FAS: variants seen among roughly 807,000 people sequenced by gnomAD.
FAS encodes tumor necrosis factor receptor superfamily member 6.
In FAS, 5 loss-of-function variants were observed where a neutral mutation model predicts 33.2. The observed-to-expected ratio is 0.15, with a 90% confidence interval of 0.08 to 0.32. The LOEUF (loss-of-function observed/expected upper bound fraction) is 0.32. Ranked by LOEUF, FAS falls within the 10% of genes least tolerant of loss-of-function variation. The pLI, the probability that FAS is intolerant of heterozygous loss-of-function variation, is 1.00. For missense variants in FAS, 339 were observed against 386.0 expected (o/e 0.88, Z 1.02); for synonymous variants, 131 against 130.7 (o/e 1.00, Z -0.01).
At chr10:88,979,180 A>C (rs893938977) in intron 2 of FAS, among the ~76,000 whole-genome samples, 5 of 152,116 alleles carry the variant, frequency 3.3e-5, no homozygotes, top group African/African-American at 1.2e-4. Flanking sequence ...GCTGGTTTTA[A>C]TGGGTTATGA....
chr10:88,990,724 G>C (rs1344980586), upstream of FAS: 2 of 862,444 alleles, frequency 2.3e-6, no homozygotes, highest in Non-Finnish European at 3.8e-6. This position sits in a 1 kb window ranked among gnomAD's most constrained non-coding sequence, Gnocchi z 4.9. Flanking sequence ...CGAGTGACTT[G>C]GCTGGAGCCT....
At chr10:89,001,562 G>A (rs1847934385) in intron 1 of FAS, among the ~76,000 whole-genome samples, 1 of 151,380 alleles carries the variant, frequency 6.6e-6, no homozygotes, top group South Asian at 2.1e-4. Context: ...GAGAAAGTGT[G>A]GAGATCCTTT....
intron 2 of FAS, among the ~76,000 whole-genome samples, chr10:89,006,404 A>C (rs142252446): frequency 6.6e-4 from 100 of 152,340 alleles, no homozygotes; most frequent in African/African-American, 2.2e-3. Flanking sequence ...TTGCTCATGT[A>C]GTAAATATTT....
At chr10:88,999,406 C>T (rs1003600310) in intron 1 of FAS, among the ~76,000 whole-genome samples, 1 of 152,158 alleles carries the variant, frequency 6.6e-6, no homozygotes, top group Admixed American at 6.5e-5. Context: ...AATCTATTAA[C>T]ATGCATTTCT....
Position 88,978,402 on chromosome 10 carries a change from A to AAAAT in FAS, n.260+5075_260+5078dup, listed in dbSNP as rs369548963. 5.3e-4 allele frequency among the ~76,000 whole-genome samples: 81 copies of AAAAT among 152,212 alleles called. 1 individual carries two copies. In the East Asian group the frequency reaches 0.013, roughly 24 times the overall value. Reference sequence around the variant, plus strand: ...TACCCTAAAACTTAAAGTATAATAAAAAATAAATAAATAAATAAATAAAAT... The same window carrying AAAAT: ...TACCCTAAAACTTAAAGTATAATAAAAAATAAATAAATAAATAAATAAATAAAAT... On this transcript the variant is annotated intron_variant and non_coding_transcript_variant, in intron 2 of 3. Transcript: ENST00000688239.
chr10:88,982,793 G>A (rs932123621), upstream of FAS, among the ~76,000 whole-genome samples: 2 of 152,262 alleles, frequency 1.3e-5, no homozygotes, highest in African/African-American at 2.4e-5. Flanking sequence ...TGTTTATAAT[G>A]AGATTACTGA....
At chr10:88,966,471 G>C (rs770994428) in intron 1 of FAS, among the ~76,000 whole-genome samples, 2 of 152,068 alleles carry the variant, frequency 1.3e-5, no homozygotes, top group Non-Finnish European at 2.9e-5. Flanking sequence ...TTAATATCCT[G>C]TCTACCTCTA....
chr10:88,966,809 A>T (rs1271069583), intron 1 of FAS, among the ~76,000 whole-genome samples: 3 of 152,324 alleles, frequency 2.0e-5, no homozygotes, highest in African/African-American at 7.2e-5. Flanking sequence ...AGTGCCAATC[A>T]GATTATCAGT....
intron 1 of FAS, chr10:88,992,385 T>C (rs1443411845): frequency 1.3e-5 from 2 of 152,192 alleles, no homozygotes; most frequent in African/African-American, 2.4e-5. Flanking sequence ...TTGGCTGCTT[T>C]GAAAATCTCA....
chr10:89,007,379 A>G (rs913912464), intron 2 of FAS, among the ~76,000 whole-genome samples: 5 of 152,154 alleles, frequency 3.3e-5, no homozygotes, highest in African/African-American at 4.8e-5. Flanking sequence ...CCTTTCTCCA[A>G]GGAAGTTAGT....
chr10:88,964,051 A>AT (rs902674901), intron 1 of FAS, among the ~76,000 whole-genome samples: 5 of 151,254 alleles, frequency 3.3e-5, no homozygotes, highest in South Asian at 2.1e-4. Context: ...ATGTTTTTAT[A>AT]TTTTTTTATT....
chr10:88,965,396 C>T (rs947954667), intron 1 of FAS, among the ~76,000 whole-genome samples: 6 of 152,082 alleles, frequency 3.9e-5, no homozygotes, highest in African/African-American at 1.4e-4. Context: ...AGAAAGTTTC[C>T]CTAATTTATT....
At chr10:88,984,897 G>A (rs765624753), upstream of FAS, among the ~76,000 whole-genome samples, 2 of 152,174 alleles carry the variant, frequency 1.3e-5, no homozygotes, top group Admixed American at 6.5e-5. Flanking sequence ...AAAAAATATG[G>A]TATTCTTCAT....
chr10:88,980,706 C>T (rs962821267), intron 2 of FAS, among the ~76,000 whole-genome samples: 1 of 152,192 alleles, frequency 6.6e-6, no homozygotes, highest in Non-Finnish European at 1.5e-5. Context: ...AATGTCCCCC[C>T]TCTGGAGCAA....
At chr10:89,014,067 A>C in intron 8 of FAS, 52 bp from the exon 9 acceptor site, 2 of 1,558,786 alleles carry the variant, frequency 1.3e-6, no homozygotes, top group Non-Finnish European at 1.8e-6. Flanking sequence ...GTTTTCACTA[A>C]TGGGAATTTC....
chr10:88,983,241 G>A (rs1846755476), upstream of FAS, among the ~76,000 whole-genome samples: 3 of 152,188 alleles, frequency 2.0e-5, no homozygotes, highest in Middle Eastern at 3.4e-3. Context: ...TTCTTACTTA[G>A]CAGACTTACC....
chr10:88,973,218 G>A, exon 2 of FAS: 1 of 1,612,474 alleles, frequency 6.2e-7, no homozygotes, highest in Non-Finnish European at 8.5e-7. Context: ...TTCTGGCACT[G>A]CTTTGGAGAT....
At chr10:88,988,735 A>T (rs1846997365), upstream of FAS, among the ~76,000 whole-genome samples, 1 of 152,206 alleles carries the variant, frequency 6.6e-6, no homozygotes, top group Admixed American at 6.5e-5. Context: ...AGCATTCATT[A>T]GGTGTTCATT....
chr10:88,988,189 G>A (rs1161201055), upstream of FAS, among the ~76,000 whole-genome samples: 1 of 152,152 alleles, frequency 6.6e-6, no homozygotes, highest in Non-Finnish European at 1.5e-5. Context: ...AAATAGTTAA[G>A]AAGAGGGGAG....
Sources: gnomAD v4.1 joint callset for allele counts (sites outside exome capture counted in the v4.1 genomes callset) on GRCh38, gnomAD v4.1.1 for gene constraint, Gnocchi (gnomAD v3.1) non-coding constraint, MANE v1.5 for transcripts, NCBI Gene and HGNC (gene_info 2026-07-23, HGNC 2026-07-21) for gene names.